TBC1D19: variants seen among roughly 807,000 people sequenced by gnomAD.
TBC1D19 encodes TBC1 domain family, member 19.
A neutral mutation model predicts 89.0 loss-of-function variants in TBC1D19; 60 were observed. The ratio of observed to expected loss-of-function variants is 0.67; its 90% CI spans 0.55 to 0.84. TBC1D19 has a LOEUF of 0.84. Among genes scored for constraint, TBC1D19 ranks in the 40% least tolerant of loss-of-function variants. TBC1D19 has a pLI of 0.00. For synonymous variants in TBC1D19, 189 were observed against 199.7 expected, an observed-to-expected ratio of 0.95 and a Z score of 0.45; for missense variants, 500 against 610.8, an observed-to-expected ratio of 0.82 and a Z score of 1.91.
chr4:26,595,028 A>G (rs1740118222), intron 1 of TBC1D19, among the ~76,000 whole-genome samples: 1 of 152,230 alleles, frequency 6.6e-6, no homozygotes, highest in Admixed American at 6.5e-5. Flanking sequence ...CTGTCTTCCA[A>G]TGAGGCTGTG....
chr4:26,649,485 A>T (rs2109038297), intron 7 of TBC1D19, among the ~76,000 whole-genome samples: 1 of 152,314 alleles, frequency 6.6e-6, no homozygotes, highest in South Asian at 2.1e-4. Context: ...TTACCCAAAA[A>T]AGAAACCTTA....
rs2109305597 is a variant in TBC1D19 at position 26,735,438 on chromosome 4, T to TA, written c.1085-16dup. 7.2e-7 allele frequency: 1 copy of TA among 1,397,712 alleles called. No homozygotes were observed. 86.6% of individuals were successfully genotyped at this position (1,397,712 alleles called of 1,614,324 possible). ...AGGCCTACTACTTATTGAAAAGAAA[T>TA]ACCTTTTTTTTTTTAGGTGTTATCC... On this transcript the variant is annotated splice_polypyrimidine_tract_variant and intron_variant, in intron 15 of 20. Coordinates refer to ENST00000264866, the MANE Select transcript of TBC1D19 (RefSeq NM_018317.4).
chr4:26,704,067 C>T (rs1715546295), intron 13 of TBC1D19, among the ~76,000 whole-genome samples: 1 of 151,720 alleles, frequency 6.6e-6, no homozygotes, highest in African/African-American at 2.4e-5. Context: ...TTACAGGCAA[C>T]AATGCTGAAT....
intron 13 of TBC1D19, among the ~76,000 whole-genome samples, chr4:26,692,880 A>T (rs1018492480): frequency 6.6e-6 from 1 of 152,234 alleles, no homozygotes; most frequent in African/African-American, 2.4e-5. Context: ...TAGAATAATC[A>T]GCTGGCAATT....
the TBC1D19 span, among the ~76,000 whole-genome samples, chr4:26,799,889 G>A: frequency 6.6e-6 from 1 of 152,336 alleles, no homozygotes; most frequent in East Asian, 1.9e-4. Context: ...AGCAGGGGAA[G>A]ACTGTCAACT....
the TBC1D19 span, among the ~76,000 whole-genome samples, chr4:26,808,931 C>G: frequency 2.6e-5 from 4 of 152,132 alleles, no homozygotes; most frequent in African/African-American, 9.7e-5. Flanking sequence ...GAACGCTGGA[C>G]TCTGAATCCA....
chr4:26,700,659 G>A (rs997013434), intron 13 of TBC1D19, among the ~76,000 whole-genome samples: 1 of 152,088 alleles, frequency 6.6e-6, no homozygotes, highest in African/African-American at 2.4e-5. Flanking sequence ...TTTATCTCAA[G>A]AGTTATTAGT....
chr4:26,717,854 C>T (rs1406420703), intron 13 of TBC1D19, 79 bp from the exon 14 acceptor site: 2 of 1,132,952 alleles, frequency 1.8e-6, no homozygotes, highest in African/African-American at 1.5e-5. Context: ...TTGAAGGATG[C>T]CTCCTGAGTA....
At chr4:26,668,448 G>A (rs1490763909) in intron 9 of TBC1D19, among the ~76,000 whole-genome samples, 1 of 151,922 alleles carries the variant, frequency 6.6e-6, no homozygotes, top group Non-Finnish European at 1.5e-5. Context: ...ACTGGTGAAT[G>A]CAGAGATATA....
chr4:26,762,333 G>T, the TBC1D19 span, among the ~76,000 whole-genome samples: 1 of 152,112 alleles, frequency 6.6e-6, no homozygotes, highest in East Asian at 1.9e-4. Context: ...TTAGAAAATG[G>T]TTTTTAATTA....
At chr4:26,827,386 C>T in the TBC1D19 span, among the ~76,000 whole-genome samples, 1 of 152,220 alleles carries the variant, frequency 6.6e-6, no homozygotes, top group Admixed American at 6.5e-5. Context: ...AGGCAGATCA[C>T]TTGAGGCCAG....
intron 19 of TBC1D19, among the ~76,000 whole-genome samples, chr4:26,750,178 G>A (rs1219809552): frequency 6.6e-6 from 1 of 151,902 alleles, no homozygotes; most frequent in Non-Finnish European, 1.5e-5. Flanking sequence ...TCACATTTTC[G>A]CCTCTCCCCA....
At position 26,703,411 on chromosome 4, in the gene TBC1D19, T is replaced by C. The variant is rs1233230544; in HGVS notation, c.955-14522T>C. ...GTGTGCATGTGTGTGTGTGTGCATG[T>C]GTGTAATAAGACAGAAGAAAGCCTG... On this transcript the variant is annotated intron_variant, in intron 13 of 20. Coordinates refer to ENST00000264866, the MANE Select transcript of TBC1D19 (RefSeq NM_018317.4). Among the ~76,000 whole-genome samples the C allele has an allele frequency of 2.0e-5, 3 of 152,306 alleles. No individual in the cohort carries two copies. In the East Asian group the frequency reaches 5.8e-4, roughly 29 times the overall value.
At chr4:26,849,865 A>C in the TBC1D19 span, among the ~76,000 whole-genome samples, 1 of 152,222 alleles carries the variant, frequency 6.6e-6, no homozygotes, top group African/African-American at 2.4e-5. Context: ...TGGCTCTAAG[A>C]GAAAGTAACA....
chr4:26,811,661 C>G, the TBC1D19 span, among the ~76,000 whole-genome samples: 2 of 152,348 alleles, frequency 1.3e-5, no homozygotes, highest in East Asian at 3.9e-4. Flanking sequence ...GGCAGAGCAG[C>G]CCCGAGGGCT....
chr4:26,593,268 G>T (rs1452935697), intron 1 of TBC1D19, among the ~76,000 whole-genome samples: 2 of 152,166 alleles, frequency 1.3e-5, no homozygotes, highest in East Asian at 3.8e-4. Context: ...AATGGTGCTG[G>T]GAAAACTGGC....
chr4:26,819,518 C>T, the TBC1D19 span, among the ~76,000 whole-genome samples: 1 of 152,224 alleles, frequency 6.6e-6, no homozygotes, highest in African/African-American at 2.4e-5. Flanking sequence ...TACCCTGGTC[C>T]AAGCTGCCAC....
chr4:26,810,367 C>T, the TBC1D19 span, among the ~76,000 whole-genome samples: 3 of 152,196 alleles, frequency 2.0e-5, no homozygotes, highest in East Asian at 1.9e-4. Flanking sequence ...TGTATCTTGA[C>T]CTGTGACATA....
chr4:26,723,081 A>G (rs965154886), intron 15 of TBC1D19, among the ~76,000 whole-genome samples: 3 of 152,220 alleles, frequency 2.0e-5, no homozygotes, highest in African/African-American at 7.2e-5. Flanking sequence ...TTCATCCAGA[A>G]TGAAAACTGT....
Sources: gnomAD v4.1 joint callset for allele counts (sites outside exome capture counted in the v4.1 genomes callset) on GRCh38, gnomAD v4.1.1 for gene constraint, MANE v1.5 for transcripts, NCBI Gene and HGNC (gene_info 2026-07-23, HGNC 2026-07-21) for gene names.